Variants in EDIL3 observed in about 807,000 individuals in gnomAD.
EDIL3 encodes EGF-like repeat and discoidin I-like domain-containing protein 3.
In EDIL3, 37 loss-of-function variants were observed where a neutral mutation model predicts 67.4. That is an observed-to-expected ratio of 0.55 (90% CI 0.42 to 0.72). The LOEUF is 0.72. Ranked by LOEUF, EDIL3 falls within the 30% of genes least tolerant of loss-of-function variation. EDIL3 has a pLI of 0.00. For synonymous variants in EDIL3, 195 were observed against 196.3 expected (o/e 0.99, Z 0.05); for missense variants, 527 against 586.3 (o/e 0.90, Z 1.04).
At chr5:84,223,389 T>C (rs1002673252) in intron 3 of EDIL3, among the ~76,000 whole-genome samples, 1 of 151,454 alleles carries the variant, frequency 6.6e-6, no homozygotes, top group East Asian at 1.9e-4. Context: ...AACCTGAGTG[T>C]CCATTGATTA....
chr5:84,057,910 A>G (rs184072262), intron 9 of EDIL3, among the ~76,000 whole-genome samples: 11 of 152,292 alleles, frequency 7.2e-5, no homozygotes, highest in Non-Finnish European at 8.8e-5. Context: ...CAAACAGCCT[A>G]GCATAAAAAC....
intron 2 of EDIL3, among the ~76,000 whole-genome samples, chr5:84,252,191 T>C (rs1033688235): frequency 6.6e-6 from 1 of 152,058 alleles, no homozygotes; most frequent in Non-Finnish European, 1.5e-5. Flanking sequence ...TATACAAGTA[T>C]TTACTTTAAA....
rs116826750 is a variant in EDIL3, at chr5:84,214,650, C to A, written c.226+15205G>T. On this transcript the variant is annotated intron_variant, in intron 3 of 10. Coordinates refer to ENST00000296591, the MANE Select transcript of EDIL3 (RefSeq NM_005711.5). ...AGATTCTCCTTTTATTTATTTATTTCTTCTATTTGGAAATACATCTATCAT... is the reference window on the plus strand; with the variant it reads ...AGATTCTCCTTTTATTTATTTATTTATTCTATTTGGAAATACATCTATCAT... Among the ~76,000 whole-genome samples, 912 of 151,742 alleles carry A rather than the reference C, an allele frequency of 6.0e-3. 7 individuals are homozygous for A. Among genetic ancestry groups the A allele is most frequent in the African/African-American group, 0.021 (882 of 41,412 alleles).
chr5:84,039,445 G>C (rs1438154696), intron 9 of EDIL3, among the ~76,000 whole-genome samples: 3 of 152,102 alleles, frequency 2.0e-5, no homozygotes, highest in African/African-American at 7.2e-5. Context: ...TTTTGATGTG[G>C]AAGTCAATTT....
chr5:83,961,517 G>T (rs1436594645), intron 10 of EDIL3, among the ~76,000 whole-genome samples: 1 of 151,048 alleles, frequency 6.6e-6, no homozygotes, highest in East Asian at 2.0e-4. Flanking sequence ...ACAGTTTAAC[G>T]GTTTAACCAT....
intron 3 of EDIL3, among the ~76,000 whole-genome samples, chr5:84,226,237 C>T (rs186467789): frequency 6.6e-6 from 1 of 151,412 alleles, no homozygotes; most frequent in East Asian, 1.9e-4. Flanking sequence ...TAAAAGAGGA[C>T]CACAAAAATA....
chr5:84,209,859 G>A (rs914123188), intron 3 of EDIL3, among the ~76,000 whole-genome samples: 2 of 152,082 alleles, frequency 1.3e-5, no homozygotes, highest in African/African-American at 4.8e-5. Context: ...GGCATTTTCT[G>A]TTCTATCCAT....
intron 1 of EDIL3, among the ~76,000 whole-genome samples, chr5:84,334,776 C>A (rs368240695): frequency 1.8e-4 from 27 of 151,976 alleles, no homozygotes; most frequent in African/African-American, 6.5e-4. Context: ...AAAGTCATAT[C>A]TTCTTTTAAA....
At chr5:84,368,320 T>C (rs903034832) in intron 1 of EDIL3, among the ~76,000 whole-genome samples, 8 of 152,140 alleles carry the variant, frequency 5.3e-5, no homozygotes, top group African/African-American at 1.9e-4. Context: ...GTTTCACATA[T>C]ATGGTGAGAG....
At chr5:84,024,866 A>G (rs941625514) in intron 9 of EDIL3, among the ~76,000 whole-genome samples, 17 of 151,884 alleles carry the variant, frequency 1.1e-4, no homozygotes, top group African/African-American at 4.1e-4. Flanking sequence ...GCTTCCTTCA[A>G]TATTCCAAGA....
chr5:84,097,778 A>G (rs1747290740), intron 6 of EDIL3, among the ~76,000 whole-genome samples: 1 of 152,098 alleles, frequency 6.6e-6, no homozygotes, highest in Non-Finnish European at 1.5e-5. Flanking sequence ...AATTTAAAAA[A>G]TAAAATTAAT....
intron 6 of EDIL3, among the ~76,000 whole-genome samples, chr5:84,098,915 G>T (rs926639583): frequency 6.6e-6 from 1 of 152,080 alleles, no homozygotes; most frequent in Non-Finnish European, 1.5e-5. Flanking sequence ...ACTCAGAGCT[G>T]AACTGAAGTC....
intron 9 of EDIL3, among the ~76,000 whole-genome samples, chr5:84,036,503 C>T (rs1033719155): frequency 4.6e-5 from 7 of 152,164 alleles, no homozygotes; most frequent in Admixed American, 4.6e-4. Flanking sequence ...CAAAGTTGAA[C>T]CTTTCTAAAC....
chr5:83,954,737 A>G (rs1744482573), intron 10 of EDIL3, among the ~76,000 whole-genome samples: 1 of 151,792 alleles, frequency 6.6e-6, no homozygotes, highest in South Asian at 2.1e-4. Context: ...TACTTAAACT[A>G]TCAAAATAAT....
At chr5:84,274,667 A>G (rs761884781) in intron 1 of EDIL3, among the ~76,000 whole-genome samples, 3 of 152,128 alleles carry the variant, frequency 2.0e-5, no homozygotes, top group Admixed American at 6.6e-5. Context: ...TGGTAAATGG[A>G]CATAGAAAAA....
At chr5:84,089,480 G>A (rs1747127015) in intron 6 of EDIL3, among the ~76,000 whole-genome samples, 2 of 152,182 alleles carry the variant, frequency 1.3e-5, no homozygotes, top group East Asian at 1.9e-4. Flanking sequence ...GCAGTTAGCT[G>A]TAAAAGCCTC....
intron 6 of EDIL3, among the ~76,000 whole-genome samples, chr5:84,087,106 T>G (rs1489709413): frequency 7.9e-5 from 12 of 152,210 alleles, no homozygotes. Context: ...GCTAATAATC[T>G]CTTTAATATG....
At chr5:84,065,125 C>T (rs554487309) in intron 7 of EDIL3, among the ~76,000 whole-genome samples, 1 of 152,200 alleles carries the variant, frequency 6.6e-6, no homozygotes, top group South Asian at 2.1e-4. Context: ...ACCAGGGCAG[C>T]GCTCTTCTCT....
Position 84,154,398 on chromosome 5 carries a change from T to A in EDIL3, c.356-17044A>T, listed in dbSNP as rs113481759. ...ATACTTACCATACAATAATTATATGTTAATTATTGTAGAATCAAGTAAAAA... is the reference window on the plus strand; with the variant it reads ...ATACTTACCATACAATAATTATATGATAATTATTGTAGAATCAAGTAAAAA... On this transcript the variant is annotated intron_variant, in intron 4 of 10. Transcript: ENST00000296591. Among the ~76,000 whole-genome samples the A allele has an allele frequency of 6.1e-3, 935 of 152,202 alleles. 18 individuals carry two copies. Among genetic ancestry groups the A allele is most frequent in the East Asian group, 0.037 (191 of 5,168 alleles).
Sources: gnomAD v4.1 joint callset for allele counts (sites outside exome capture counted in the v4.1 genomes callset) on GRCh38, gnomAD v4.1.1 for gene constraint, MANE v1.5 for transcripts, NCBI Gene and HGNC (gene_info 2026-07-23, HGNC 2026-07-21) for gene names.